TJP1: variants seen among roughly 807,000 people sequenced by gnomAD.
TJP1 encodes the protein tight junction protein 1.
A neutral mutation model predicts 194.2 loss-of-function variants in TJP1; 43 were observed. The observed-to-expected ratio is 0.22, with a 90% CI of 0.17 to 0.29. The LOEUF is 0.29. Ranked by LOEUF, TJP1 falls within the 10% of genes least tolerant of loss-of-function variation. The probability of loss-of-function intolerance (pLI) is 1.00; values close to 1 mark genes in which losing one functional copy is unlikely to be tolerated. For missense variants in TJP1, 1,971 were observed against 2,185.7 expected (o/e 0.90, Z 1.96); for synonymous variants, 801 against 779.0 (o/e 1.03, Z -0.47).
At chr15:29,904,785 C>G (rs2053752859) in intron 2 of TJP1, among the ~76,000 whole-genome samples, 1 of 152,144 alleles carries the variant, frequency 6.6e-6, no homozygotes. Context: ...AAGATGGGGT[C>G]AGATGGGATT....
intron 2 of TJP1, among the ~76,000 whole-genome samples, chr15:29,948,210 C>T (rs529110586): frequency 1.4e-5 from 2 of 147,766 alleles, no homozygotes; most frequent in African/African-American, 5.0e-5. Context: ...TGCAGTGAGG[C>T]GAGATCGTGC....
chr15:29,822,260 C>G lies in TJP1; in HGVS notation c.-232G>C. ...CACGGGGCGCGCCCGACCGGCACCT[C>G]CCTCCGAGCGCGGCCACCCACTCGG... On this transcript the variant is annotated 5_prime_UTR_variant, in exon 1 of 28. Coordinates refer to ENST00000614355, the MANE Select transcript of TJP1 (RefSeq NM_001330239.4). 8.6e-7 allele frequency: 1 copy of G among 1,163,714 alleles called. No individual in the cohort carries two copies. 72.1% of individuals were successfully genotyped at this position (1,163,714 alleles called of 1,614,324 possible).
chr15:29,949,447 C>T (rs2055472704), intron 2 of TJP1, among the ~76,000 whole-genome samples: 1 of 125,202 alleles, frequency 8.0e-6, no homozygotes, highest in Admixed American at 8.7e-5. Context: ...CCACCTCCAC[C>T]TTCACCACCA....
chr15:29,935,621 A>G (rs565310904), intron 2 of TJP1, among the ~76,000 whole-genome samples: 1 of 152,002 alleles, frequency 6.6e-6, no homozygotes, highest in Non-Finnish European at 1.5e-5. Flanking sequence ...AAAACCATAC[A>G]TGGTCTTTCT....
Position 29,718,194 on chromosome 15 carries a change from T to C in TJP1, c.3876+72A>G, listed in dbSNP as rs2042688444. On this transcript the variant is annotated intron_variant, in intron 21 of 27. Coordinates refer to ENST00000614355, the MANE Select transcript of TJP1 (RefSeq NM_001330239.4). ...AATTAACAGAATAGATATCATGTAA[T>C]GGCGGAGGGGAGAGCCAAGAAGCCT... 5 of 1,588,394 alleles carry C rather than the reference T, an allele frequency of 3.1e-6. No homozygotes were observed. In the African/African-American group the frequency reaches 5.5e-5, roughly 17 times the overall value.
intron 23 of TJP1, among the ~76,000 whole-genome samples, chr15:29,714,986 A>AC (rs1462955878): frequency 6.6e-6 from 1 of 152,188 alleles, no homozygotes; most frequent in African/African-American, 2.4e-5. Context: ...TAAAGGGTAC[A>AC]CCCTTCTGCC....
intron 2 of TJP1, among the ~76,000 whole-genome samples, chr15:29,949,913 ACCTC>A (rs1596312902): frequency 1.4e-4 from 11 of 78,668 alleles, no homozygotes; most frequent in Non-Finnish European, 2.0e-4. Flanking sequence ...CACCACCTCC[ACCTC>A]CACCTTCACC....
intron 1 of TJP1, among the ~76,000 whole-genome samples, chr15:29,966,117 T>C (rs1414474736): frequency 6.6e-6 from 1 of 152,196 alleles, no homozygotes; most frequent in African/African-American, 2.4e-5. Context: ...ACCCCAATGA[T>C]GGAAAATAAT....
chr15:29,895,436 TAGTTA>T (rs2053446775), intron 2 of TJP1, among the ~76,000 whole-genome samples: 1 of 152,224 alleles, frequency 6.6e-6, no homozygotes, highest in Non-Finnish European at 1.5e-5. Flanking sequence ...AAACACAACT[TAGTTA>T]AGTTCTTTGC....
chr15:29,959,675 C>G (rs1260341432), intron 1 of TJP1, among the ~76,000 whole-genome samples: 2 of 152,188 alleles, frequency 1.3e-5, no homozygotes, highest in African/African-American at 4.8e-5. Flanking sequence ...AGATCTATCC[C>G]TACCTACTAG....
At chr15:29,826,244 G>T (rs2050672401), upstream of TJP1, among the ~76,000 whole-genome samples, 1 of 151,928 alleles carries the variant, frequency 6.6e-6, no homozygotes, top group Non-Finnish European at 1.5e-5. Flanking sequence ...CTCCTATGGG[G>T]CTACCCTTAC....
intron 2 of TJP1, among the ~76,000 whole-genome samples, chr15:29,877,213 G>C (rs964834028): frequency 6.6e-6 from 1 of 152,176 alleles, no homozygotes; most frequent in Admixed American, 6.5e-5. Context: ...GATATAAATA[G>C]AAGTATTTCT....
chr15:29,727,086 A>G, intron 16 of TJP1, 95 bp from the exon 17 acceptor site: 3 of 1,107,584 alleles, frequency 2.7e-6, no homozygotes, highest in Non-Finnish European at 2.6e-6. Context: ...CGCTACGCCT[A>G]TAATCCTAGC....
At chr15:29,734,813 A>C (rs2043918047) in intron 11 of TJP1, among the ~76,000 whole-genome samples, 1 of 152,132 alleles carries the variant, frequency 6.6e-6, no homozygotes, top group Non-Finnish European at 1.5e-5. Flanking sequence ...TAAGACCAAA[A>C]ACTTTATTTT....
At chr15:29,704,527 T>A (rs1297837364) in intron 26 of TJP1, among the ~76,000 whole-genome samples, 3 of 152,222 alleles carry the variant, frequency 2.0e-5, no homozygotes, top group Non-Finnish European at 4.4e-5. Flanking sequence ...ATATCAAATC[T>A]TACAATATTT....
intron 1 of TJP1, among the ~76,000 whole-genome samples, chr15:29,815,090 C>T (rs2049819861): frequency 6.6e-6 from 1 of 152,094 alleles, no homozygotes; most frequent in African/African-American, 2.4e-5. Flanking sequence ...CCACGTATTC[C>T]CCACATACTG....
chr15:29,854,870 A>C (rs534776563), intron 2 of TJP1, among the ~76,000 whole-genome samples: 1 of 152,306 alleles, frequency 6.6e-6, no homozygotes, highest in Admixed American at 6.5e-5. Flanking sequence ...AACAAGAAAC[A>C]GCCAAATAGA....
At chr15:29,929,280 T>G (rs1454979923) in intron 2 of TJP1, among the ~76,000 whole-genome samples, 2 of 152,220 alleles carry the variant, frequency 1.3e-5, no homozygotes, top group Non-Finnish European at 2.9e-5. Flanking sequence ...CTTACAACTT[T>G]AATGACAATG....
chr15:29,873,934 T>A (rs193022554), intron 2 of TJP1, among the ~76,000 whole-genome samples: 1 of 152,350 alleles, frequency 6.6e-6, no homozygotes, highest in Admixed American at 6.5e-5. Flanking sequence ...AAGTACAGCA[T>A]GAGGCATAGC....
Sources: gnomAD v4.1 joint callset for allele counts (sites outside exome capture counted in the v4.1 genomes callset) on GRCh38, gnomAD v4.1.1 for gene constraint, MANE v1.5 for transcripts, NCBI Gene and HGNC (gene_info 2026-07-23, HGNC 2026-07-21) for gene names.